PHF24: variants seen among roughly 807,000 people sequenced by gnomAD.
The protein encoded by PHF24 is PHD finger protein 24.
A neutral mutation model predicts 42.6 loss-of-function variants in PHF24; 25 were observed. That is an observed-to-expected ratio of 0.59 (90% CI 0.43 to 0.82). PHF24 has a LOEUF of 0.82. Ranked by LOEUF, PHF24 falls within the 40% of genes least tolerant of loss-of-function variation. The probability of loss-of-function intolerance (pLI) is 0.00; values close to 1 mark genes in which losing one functional copy is unlikely to be tolerated. For synonymous variants in PHF24, 185 were observed against 204.8 expected, an observed-to-expected ratio of 0.90 and a Z score of 0.83; for missense variants, 470 against 538.1, an observed-to-expected ratio of 0.87 and a Z score of 1.25.
the PHF24 span, among the ~76,000 whole-genome samples, chr9:34,911,448 T>C: frequency 1.3e-5 from 2 of 151,826 alleles, no homozygotes; most frequent in South Asian, 2.1e-4. Flanking sequence ...AGAGGCAGGG[T>C]TTCACCATCT....
the PHF24 span, among the ~76,000 whole-genome samples, chr9:34,666,989 G>C: frequency 1.3e-5 from 2 of 152,216 alleles, no homozygotes; most frequent in Admixed American, 6.5e-5. Flanking sequence ...CAGGCACCTT[G>C]TCTGCCCTCT....
chr9:34,918,445 A>C, the PHF24 span: 1 of 530,728 alleles, frequency 1.9e-6, no homozygotes, highest in Non-Finnish European at 3.4e-6. Flanking sequence ...TTTTCCTATA[A>C]TGAAATGATT....
chr9:34,712,164 T>G, the PHF24 span, among the ~76,000 whole-genome samples: 1 of 152,180 alleles, frequency 6.6e-6, no homozygotes, highest in African/African-American at 2.4e-5. Context: ...CCATGGTTTC[T>G]GAAATCAGCT....
the PHF24 span, among the ~76,000 whole-genome samples, chr9:34,857,971 G>GTTTTTTTTTTTTTTTTTTTT: frequency 9.1e-6 from 1 of 109,806 alleles, no homozygotes; most frequent in Non-Finnish European, 1.8e-5. Context: ...TTGTTTCTCT[G>GTTTTTTTTTTTTTTTTTTTT]GTTTTTTTTT....
At chr9:34,938,805 C>T in the PHF24 span, among the ~76,000 whole-genome samples, 29 of 151,014 alleles carry the variant, frequency 1.9e-4, no homozygotes, top group Non-Finnish European at 2.5e-4. Context: ...GGCGTGGTGG[C>T]GGGCGCCTGT....
chr9:34,762,176 T>C, the PHF24 span, among the ~76,000 whole-genome samples: 1 of 152,110 alleles, frequency 6.6e-6, no homozygotes, highest in Non-Finnish European at 1.5e-5. Flanking sequence ...TGTGTCTTTA[T>C]AGCAGCATGA....
chr9:34,715,133 G>A, the PHF24 span, among the ~76,000 whole-genome samples: 2 of 152,018 alleles, frequency 1.3e-5, no homozygotes, highest in African/African-American at 4.8e-5. Flanking sequence ...AGCAGTAGGG[G>A]CTTTTCTGGA....
chr9:34,765,854 A>C, the PHF24 span, among the ~76,000 whole-genome samples: 2 of 151,786 alleles, frequency 1.3e-5, no homozygotes, highest in African/African-American at 2.4e-5. Flanking sequence ...GTTCCTTTCC[A>C]TGTTTAGTGC....
chr9:34,850,640 G>T, the PHF24 span, among the ~76,000 whole-genome samples: 1 of 152,168 alleles, frequency 6.6e-6, no homozygotes, highest in South Asian at 2.1e-4. Context: ...TTCCATTGCT[G>T]GTGAGGAGCT....
the PHF24 span, among the ~76,000 whole-genome samples, chr9:34,848,507 T>C: frequency 6.6e-6 from 1 of 152,022 alleles, no homozygotes; most frequent in Non-Finnish European, 1.5e-5. Context: ...CTTTATTAGT[T>C]TTGCTAGCGA....
chr9:34,680,957 A>T, the PHF24 span: 31 of 152,276 alleles, frequency 2.0e-4, no homozygotes, highest in African/African-American at 7.0e-4. Flanking sequence ...TTTACTTCTC[A>T]TCTTGGGAGT....
the PHF24 span, chr9:34,835,602 G>C: frequency 6.4e-7 from 1 of 1,551,806 alleles, no homozygotes; most frequent in South Asian, 1.2e-5. Flanking sequence ...TCTCCTCCTG[G>C]TTCAGTGGAG....
chr9:34,831,562 A>G, the PHF24 span, among the ~76,000 whole-genome samples: 6 of 152,130 alleles, frequency 3.9e-5, no homozygotes, highest in Non-Finnish European at 8.8e-5. Context: ...GATCCCTCCC[A>G]AAGCACTTGG....
chr9:34,835,281 G>C, the PHF24 span: 9 of 1,552,054 alleles, frequency 5.8e-6, no homozygotes, highest in African/African-American at 1.2e-4. Context: ...GTATTATTCA[G>C]GTTGAAAGAA....
chr9:34,669,433 A>G, the PHF24 span, among the ~76,000 whole-genome samples: 1 of 152,000 alleles, frequency 6.6e-6, no homozygotes, highest in East Asian at 1.9e-4. Flanking sequence ...CACACACACA[A>G]GAGGCCATGG....
At chr9:34,770,005 G>T in the PHF24 span, among the ~76,000 whole-genome samples, 1 of 152,108 alleles carries the variant, frequency 6.6e-6, no homozygotes, top group African/African-American at 2.4e-5. Context: ...GAACCTTATT[G>T]AGAGGAAAGA....
chr9:34,677,287 G>A, the PHF24 span, among the ~76,000 whole-genome samples: 1 of 151,822 alleles, frequency 6.6e-6, no homozygotes, highest in African/African-American at 2.4e-5. Flanking sequence ...ACCTAGGTTA[G>A]GCCAGCATCA....
chr9:34,922,980 C>G, the PHF24 span: 2 of 1,030,814 alleles, frequency 1.9e-6, no homozygotes, highest in Non-Finnish European at 2.7e-6. Context: ...CCCAGTCTAC[C>G]TGGGGGGTGC....
the PHF24 span, chr9:34,665,795 G>T: frequency 1.6e-6 from 1 of 638,140 alleles, no homozygotes; most frequent in East Asian, 2.7e-5. Context: ...CCCCCGAGAA[G>T]CCTCAGTTGC....
Sources: allele counts gnomAD v4.1 joint callset (sites outside exome capture counted in the v4.1 genomes callset), GRCh38; gene constraint gnomAD v4.1.1; transcripts MANE v1.5; gene names NCBI Gene and HGNC (gene_info 2026-07-23, HGNC 2026-07-21).